ROBO2: variants seen among roughly 807,000 people sequenced by gnomAD.
ROBO2 encodes the protein roundabout homolog 2.
In ROBO2, 53 loss-of-function variants were observed where a neutral mutation model predicts 160.8. The observed-to-expected ratio is 0.33, with a 90% CI of 0.26 to 0.41. The LOEUF (loss-of-function observed/expected upper bound fraction) is 0.41, where lower values mean the gene tolerates loss of function less well. Ranked by LOEUF, ROBO2 falls within the 10% of genes least tolerant of loss-of-function variation. The pLI is 1.00. For missense variants in ROBO2, 1,577 were observed against 1,722.4 expected (o/e 0.92, Z 1.49); for synonymous variants, 664 against 611.7 (o/e 1.09, Z -1.26).
chr3:76,377,571 C>G (rs2076408640), intron 2 of ROBO2, among the ~76,000 whole-genome samples: 1 of 152,156 alleles, frequency 6.6e-6, no homozygotes, highest in African/African-American at 2.4e-5. Flanking sequence ...CTGCTAATCT[C>G]CTTGCTTCCA....
chr3:76,961,290 A>C (rs2079643954), intron 2 of ROBO2, among the ~76,000 whole-genome samples: 1 of 149,644 alleles, frequency 6.7e-6, no homozygotes, highest in Non-Finnish European at 1.5e-5. Context: ...ATTTCTTAGC[A>C]CCTCAAAGGA....
chr3:76,382,505 T>G (rs1399341530), intron 2 of ROBO2, among the ~76,000 whole-genome samples: 2 of 152,176 alleles, frequency 1.3e-5, no homozygotes, highest in Non-Finnish European at 2.9e-5. Context: ...GAGAATGGCG[T>G]GAACCCGGGA....
chr3:76,394,481 C>T (rs574348176), intron 2 of ROBO2, among the ~76,000 whole-genome samples: 24 of 152,154 alleles, frequency 1.6e-4, no homozygotes, highest in African/African-American at 5.1e-4. Context: ...GAGTTTCTGC[C>T]GAGAGATCAG....
At chr3:76,234,928 T>C (rs1036258950) in intron 2 of ROBO2, among the ~76,000 whole-genome samples, 1 of 152,166 alleles carries the variant, frequency 6.6e-6, no homozygotes, top group Admixed American at 6.5e-5. Flanking sequence ...TTGTACCCAG[T>C]CTCTCTTGTA....
intron 16 of ROBO2, among the ~76,000 whole-genome samples, chr3:77,588,390 T>G (rs896115465): frequency 1.3e-5 from 2 of 152,062 alleles, no homozygotes; most frequent in African/African-American, 4.8e-5. Flanking sequence ...AAAGTTGTAA[T>G]TGCTTTCTTA....
intron 2 of ROBO2, among the ~76,000 whole-genome samples, chr3:77,141,551 T>A (rs1236386424): frequency 1.3e-5 from 2 of 152,214 alleles, no homozygotes; most frequent in Non-Finnish European, 2.9e-5. Flanking sequence ...TCTCAGTTAT[T>A]CATTATGGTA....
intron 2 of ROBO2, among the ~76,000 whole-genome samples, chr3:77,359,157 C>T (rs1469225039): frequency 6.6e-6 from 1 of 152,136 alleles, no homozygotes; most frequent in Non-Finnish European, 1.5e-5. Context: ...GCAAAAGAAA[C>T]AAGAAAACAA....
rs374204910 is a variant in ROBO2, at chr3:75,939,891, A to C, written c.109+2289A>C. 1.4e-4 allele frequency among the ~76,000 whole-genome samples: 22 copies of C among 152,222 alleles called. No homozygotes were observed. In the East Asian group the frequency reaches 3.5e-3, roughly 24 times the overall value. ...TATTGTCAAGAAAAGAATACATGAA[A>C]ATTTATAAATAAGGTTTTCTCTCTA... On this transcript the variant is annotated intron_variant, in intron 2 of 26. Coordinates refer to the ROBO2 transcript ENST00000487694.
chr3:77,268,461 T>C (rs1472631039), intron 2 of ROBO2, among the ~76,000 whole-genome samples: 1 of 152,198 alleles, frequency 6.6e-6, no homozygotes, highest in East Asian at 1.9e-4. Flanking sequence ...GATTTCCTTA[T>C]AATGTGGGCT....
At chr3:77,208,061 G>A (rs184713901) in intron 2 of ROBO2, among the ~76,000 whole-genome samples, 6 of 152,112 alleles carry the variant, frequency 3.9e-5, no homozygotes, top group East Asian at 1.9e-4. Flanking sequence ...TAAGATGTGC[G>A]CATTAGAACT....
At chr3:77,461,117 TA>T (rs941184313) in intron 2 of ROBO2, among the ~76,000 whole-genome samples, 1 of 152,164 alleles carries the variant, frequency 6.6e-6, no homozygotes, top group Admixed American at 6.5e-5. Flanking sequence ...GACTCTGTGG[TA>T]AAAAATAATA....
intron 2 of ROBO2, among the ~76,000 whole-genome samples, chr3:76,837,049 C>T (rs770933345): frequency 4.0e-5 from 6 of 151,652 alleles, no homozygotes; most frequent in Non-Finnish European, 8.9e-5. Context: ...GAGAAAATGT[C>T]CTTTACGCAT....
At chr3:77,416,014 C>A (rs2077185694) in intron 2 of ROBO2, among the ~76,000 whole-genome samples, 1 of 152,104 alleles carries the variant, frequency 6.6e-6, no homozygotes. Context: ...CTTTTTGTAC[C>A]TACTGTTTGG....
chr3:77,348,216 C>A (rs1485894182), intron 2 of ROBO2, among the ~76,000 whole-genome samples: 1 of 152,110 alleles, frequency 6.6e-6, no homozygotes, highest in Non-Finnish European at 1.5e-5. Flanking sequence ...TTTTAAAGAA[C>A]GGCTACTCCA....
chr3:77,380,694 T>TC, intron 2 of ROBO2, among the ~76,000 whole-genome samples: 1 of 123,560 alleles, frequency 8.1e-6, no homozygotes, highest in African/African-American at 3.0e-5. Flanking sequence ...CCTCCCTCCC[T>TC]CCTTCCCTCC....
intron 2 of ROBO2, among the ~76,000 whole-genome samples, chr3:76,324,997 C>G (rs914842725): frequency 6.6e-6 from 1 of 152,032 alleles, no homozygotes; most frequent in African/African-American, 2.4e-5. Context: ...CCCAGCTACT[C>G]GGGAGGCTGA....
At chr3:77,494,046 A>G (rs1052269186) in intron 5 of ROBO2, among the ~76,000 whole-genome samples, 20 of 152,168 alleles carry the variant, frequency 1.3e-4, no homozygotes, top group African/African-American at 4.8e-4. Flanking sequence ...CATCATATAT[A>G]AAAATAATTT....
At chr3:76,603,320 A>T (rs1578454879) in intron 2 of ROBO2, among the ~76,000 whole-genome samples, 1 of 101,720 alleles carries the variant, frequency 9.8e-6, no homozygotes, top group Non-Finnish European at 1.9e-5. Context: ...TGACAGAGCG[A>T]GACTCCATCT....
At chr3:76,004,028 T>C (rs1038750063) in intron 2 of ROBO2, among the ~76,000 whole-genome samples, 1 of 152,194 alleles carries the variant, frequency 6.6e-6, no homozygotes, top group African/African-American at 2.4e-5. Flanking sequence ...ATCTATCATA[T>C]GACTCAACTA....
Sources: allele counts gnomAD v4.1 joint callset (sites outside exome capture counted in the v4.1 genomes callset), GRCh38; gene constraint gnomAD v4.1.1; transcripts MANE v1.5; gene names NCBI Gene and HGNC (gene_info 2026-07-23, HGNC 2026-07-21).